The following GNL2 variants were observed in gnomAD, a reference collection of about 807,000 sequenced individuals.
GNL2 encodes the protein G protein nucleolar 2.
A neutral mutation model predicts 92.3 loss-of-function variants in GNL2; 51 were observed. That is an observed-to-expected ratio of 0.55 (90% CI 0.44 to 0.70). The LOEUF (loss-of-function observed/expected upper bound fraction) is 0.70, where lower values mean the gene tolerates loss of function less well. Ranked by LOEUF, GNL2 falls within the 30% of genes least tolerant of loss-of-function variation. The pLI is 0.00. For synonymous variants in GNL2, 283 were observed against 300.6 expected (o/e 0.94, Z 0.61); for missense variants, 844 against 895.6 (o/e 0.94, Z 0.74).
Position 37,583,887 on chromosome 1 carries a change from T to C in GNL2, c.616A>G (p.Ile206Val). 6.3e-7 allele frequency: 1 copy of C among 1,585,338 alleles called. No individual in the cohort carries two copies. The highest frequency in any genetic ancestry group is 8.7e-7 in the Non-Finnish European group (1 of 1,153,466). The change falls in exon 6 of 16, where the codon ATA becomes GTA. Residue 206 changes from isoleucine (I) to valine (V), a missense_variant. By Grantham distance (29) the Ile-to-Val change is conservative. Coordinates refer to ENST00000373062, the MANE Select transcript of GNL2 (RefSeq NM_013285.3). The stretch of plus-strand genomic sequence containing the variant: ...CTTACCTTGTAGAGCTCACCCCATA[T>C]TCTTTTGGACTGTCCCTTTTTATAG... ...EIYKKGQSKR[I>V]WGELYKVIDS...
chr1:37,587,549 A>G, intron 4 of GNL2, 54 bp from the exon 5 acceptor site: 1 of 1,263,784 alleles, frequency 7.9e-7, no homozygotes, highest in East Asian at 2.4e-5. Context: ...GAGAAAAAGC[A>G]AAAAGCTCAA....
chr1:37,595,921 C>T lies in GNL2; in HGVS notation c.-99G>A. The T allele has an allele frequency of 1.1e-6, 1 of 932,054 alleles. No individual in the cohort carries two copies. The allele number at this position is 932,054 out of a possible 1,614,324, so 57.7% of individuals were successfully genotyped here. Reference sequence around the variant, plus strand: ...CGGCCGAAGACACCCGCCTGAACCACGCCGGACCACGTGTGCACGACGTAC... The same window carrying T: ...CGGCCGAAGACACCCGCCTGAACCATGCCGGACCACGTGTGCACGACGTAC... On this transcript the variant is annotated 5_prime_UTR_variant, in exon 1 of 16. In the 5' UTR this introduces an upstream ATG that the reference lacks. Coordinates refer to ENST00000373062, the MANE Select transcript of GNL2 (RefSeq NM_013285.3).
intron 8 of GNL2, among the ~76,000 whole-genome samples, 167 bp from the exon 9 acceptor site, chr1:37,576,723 C>T (rs1381411325): frequency 1.3e-5 from 2 of 152,236 alleles, no homozygotes; most frequent in East Asian, 1.9e-4. Context: ...AAGCTGGATA[C>T]ATATGCTTAT....
At position 37,575,970 on chromosome 1, in the gene GNL2, C is replaced by T. The variant is rs1643671158; in HGVS notation, c.1039-271G>A. Among the ~76,000 whole-genome samples the T allele has an allele frequency of 1.3e-5, 2 of 152,114 alleles. No individual in the cohort carries two copies. Among genetic ancestry groups the T allele is most frequent in the African/African-American group, 2.4e-5 (1 of 41,408 alleles). On this transcript the variant is annotated intron_variant, in intron 9 of 15. Coordinates refer to ENST00000373062, the MANE Select transcript of GNL2 (RefSeq NM_013285.3). This position sits in a 1 kb window ranked among gnomAD's most constrained non-coding sequence, Gnocchi z 4.1. ...GTATTGTGCAATTATACCCGGTGAA[C>T]CTTTCCTGAGTTTTAGAAGTACTCT...
intron 8 of GNL2, among the ~76,000 whole-genome samples, chr1:37,576,930 G>A (rs1643687505): frequency 6.6e-6 from 1 of 152,120 alleles, no homozygotes; most frequent in African/African-American, 2.4e-5. Context: ...TGGCCAACAT[G>A]ATGAAACCCT....
At chr1:37,580,199 C>A (rs562417258) in intron 8 of GNL2, among the ~76,000 whole-genome samples, 3 of 152,038 alleles carry the variant, frequency 2.0e-5, no homozygotes, top group Non-Finnish European at 4.4e-5. Context: ...GAGGCCAAAA[C>A]GAGGCAGGAG....
intron 1 of GNL2, chr1:37,594,204 T>C (rs905738221): frequency 1.7e-5 from 3 of 172,738 alleles, no homozygotes; most frequent in African/African-American, 7.1e-5. Flanking sequence ...TGAGGCACAG[T>C]GGTCAGACAC....
chr1:37,588,699 G>A (rs1643870816), intron 4 of GNL2, among the ~76,000 whole-genome samples: 3 of 152,124 alleles, frequency 2.0e-5, no homozygotes, highest in Admixed American at 1.3e-4. Flanking sequence ...AAGCACATAT[G>A]CAAAGTTACA....
At chr1:37,582,985 A>T (rs374501433) in intron 6 of GNL2, 49 bp from the exon 7 acceptor site, 7 of 1,315,858 alleles carry the variant, frequency 5.3e-6, no homozygotes, top group Non-Finnish European at 7.5e-6. Context: ...CAAATAAAAG[A>T]GGGATGACAT....
chr1:37,576,397 CAA>C, intron 9 of GNL2, 29 bp downstream of exon 9: 1 of 1,598,532 alleles, frequency 6.3e-7, no homozygotes, highest in South Asian at 1.1e-5. Context: ...AGAAAATATG[CAA>C]AAGTAAGGTC....
chr1:37,593,137 T>C (rs1353292979), intron 2 of GNL2, among the ~76,000 whole-genome samples: 1 of 152,210 alleles, frequency 6.6e-6, no homozygotes, highest in Non-Finnish European at 1.5e-5. Context: ...CTGGTTTAAA[T>C]GAATTTTTCA....
intron 8 of GNL2, among the ~76,000 whole-genome samples, chr1:37,579,881 G>A (rs1281033494): frequency 8.2e-6 from 1 of 121,832 alleles, no homozygotes; most frequent in Non-Finnish European, 1.6e-5. Context: ...GGTGACAAGA[G>A]TGAGACTCTG....
intron 2 of GNL2, chr1:37,593,488 G>A (rs1004465195): frequency 5.5e-6 from 2 of 362,652 alleles, no homozygotes; most frequent in African/African-American, 2.1e-5. Context: ...TTAACTCTGA[G>A]ATTTAATGCG....
At chr1:37,589,945 G>A (rs1365672089) in intron 4 of GNL2, among the ~76,000 whole-genome samples, 1 of 152,136 alleles carries the variant, frequency 6.6e-6, no homozygotes, top group Non-Finnish European at 1.5e-5. Context: ...AAAGTTTGAT[G>A]GAATTACCAC....
intron 4 of GNL2, among the ~76,000 whole-genome samples, chr1:37,589,397 C>G (rs761448876): frequency 2.9e-4 from 44 of 152,212 alleles, no homozygotes; most frequent in Admixed American, 2.0e-4. Flanking sequence ...CTCTGCCTCC[C>G]GGGTTCATAT....
At chr1:37,567,055 T>C (rs202158935) in intron 15 of GNL2, 48 bp from the exon 16 acceptor site, 300 of 1,582,164 alleles carry the variant, frequency 1.9e-4, no homozygotes, top group Admixed American at 8.9e-4. Context: ...AACAAAACCC[T>C]GAAAGTCATT....
chr1:37,586,429 G>A lies in GNL2; in HGVS notation c.569+882C>T, dbSNP rs993390791. 5.3e-5 allele frequency among the ~76,000 whole-genome samples: 8 copies of A among 152,042 alleles called. No homozygotes were observed. The South Asian group carries it at 1.7e-3, about 32-fold the overall frequency. On this transcript the variant is annotated intron_variant, in intron 5 of 15. Coordinates refer to ENST00000373062, the MANE Select transcript of GNL2 (RefSeq NM_013285.3). ...CCAGCCGGTGACTGATTCTCCTTTT[G>A]AGTATGGATCCCTACGAGAATATGA...
intron 12 of GNL2, among the ~76,000 whole-genome samples, chr1:37,573,971 T>C (rs578100542): frequency 7.9e-4 from 120 of 152,254 alleles, no homozygotes; most frequent in African/African-American, 2.8e-3. Flanking sequence ...CTCGGCTCAC[T>C]GCAACTTGTC....
rs376474390 is a variant in GNL2 at position 37,595,799 on chromosome 1, T to C, written c.24A>G (p.Gly8=). The C allele has an allele frequency of 3.3e-5, 54 of 1,614,048 alleles. No homozygotes were observed. Among genetic ancestry groups the C allele is most frequent in the Non-Finnish European group, 4.4e-5 (52 of 1,180,032 alleles). MVKPKYK[G]RSTINPSKAS... ...CCTTGGACGGGTTGATGGTGCTCCG[T>C]CCTTTGTACTTGGGCTTCACCATCT... is the stretch of plus-strand genomic sequence containing the variant. Residue 8 remains glycine, a synonymous_variant, in exon 1 of 16, where the codon GGA becomes GGG. Coordinates refer to ENST00000373062, the MANE Select transcript of GNL2 (RefSeq NM_013285.3).
Sources: gnomAD v4.1 joint callset for allele counts (sites outside exome capture counted in the v4.1 genomes callset) on GRCh38, gnomAD v4.1.1 for gene constraint, Gnocchi (gnomAD v3.1) non-coding constraint, MANE v1.5 for transcripts, NCBI Gene and HGNC (gene_info 2026-07-23, HGNC 2026-07-21) for gene names.